The following PHACTR1 variants were observed in gnomAD, a reference collection of about 807,000 sequenced individuals.
PHACTR1 encodes phosphatase and actin regulator 1, also known as RPEL repeat containing 1.
Under a neutral mutation model 69.2 loss-of-function variants are expected in PHACTR1, and 16 were observed. The observed-to-expected ratio is 0.23, with a 90% CI of 0.16 to 0.35. PHACTR1 has a LOEUF of 0.35. Among genes scored for constraint, PHACTR1 ranks in the 10% least tolerant of loss-of-function variants. PHACTR1 has a pLI of 1.00. For synonymous variants in PHACTR1, 312 were observed against 284.5 expected (o/e 1.10, Z -0.97); for missense variants, 510 against 734.7 (o/e 0.69, Z 3.54).
intron 5 of PHACTR1, among the ~76,000 whole-genome samples, chr6:13,092,896 C>G (rs1217868108): frequency 6.6e-6 from 1 of 152,214 alleles, no homozygotes; most frequent in East Asian, 1.9e-4. Context: ...CTGAGGGATT[C>G]TGGCAGGAAA....
chr6:12,886,236 T>C (rs140786773), intron 4 of PHACTR1, among the ~76,000 whole-genome samples: 1 of 144,428 alleles, frequency 6.9e-6, no homozygotes, highest in Non-Finnish European at 1.5e-5. Context: ...ATAATCCTCA[T>C]GTTAAAGTTG....
intron 8 of PHACTR1, among the ~76,000 whole-genome samples, chr6:13,226,644 GTTA>G (rs1484968278): frequency 6.6e-6 from 1 of 151,830 alleles, no homozygotes; most frequent in African/African-American, 2.4e-5. Context: ...AGGGTTCTAA[GTTA>G]CTACATAATC....
rs546295290 is a variant in PHACTR1 at position 13,080,562 on chromosome 6, A to G, written c.415+27033A>G. Among the ~76,000 whole-genome samples, 5 of 152,310 alleles carry G rather than the reference A, an allele frequency of 3.3e-5. No individual in the cohort carries two copies. In the South Asian group the frequency reaches 1.0e-3, roughly 32 times the overall value. On this transcript the variant is annotated intron_variant, in intron 5 of 14. Transcript: ENST00000332995. ...TGGTCTTCCAAGAACTAATAATTCAAATAACCAGTGAACAAAATAGGATAA... is the reference window on the plus strand; with the variant it reads ...TGGTCTTCCAAGAACTAATAATTCAGATAACCAGTGAACAAAATAGGATAA...
chr6:13,281,017 C>G, intron 12 of PHACTR1: 1 of 1,289,642 alleles, frequency 7.8e-7, no homozygotes, highest in Non-Finnish European at 1.0e-6. Flanking sequence ...CAGCTGCATC[C>G]TCGCTCATTC....
At chr6:12,992,834 G>T (rs1441704953) in intron 4 of PHACTR1, among the ~76,000 whole-genome samples, 1 of 152,226 alleles carries the variant, frequency 6.6e-6, no homozygotes, top group African/African-American at 2.4e-5. Flanking sequence ...AGACGAGCTT[G>T]AGAAGGCAGC....
intron 5 of PHACTR1, among the ~76,000 whole-genome samples, chr6:13,110,915 T>C (rs114213288): frequency 1.3e-5 from 2 of 151,264 alleles, no homozygotes; most frequent in African/African-American, 4.8e-5. Context: ...TGGGTTTTTG[T>C]TTTTTGTTTT....
At chr6:13,007,041 G>A (rs1798877944) in intron 4 of PHACTR1, among the ~76,000 whole-genome samples, 1 of 152,172 alleles carries the variant, frequency 6.6e-6, no homozygotes, top group African/African-American at 2.4e-5. Context: ...AGTCAGTTTT[G>A]TGAACTTTAA....
At chr6:13,185,596 T>C (rs79211433) in intron 7 of PHACTR1, among the ~76,000 whole-genome samples, 9,634 of 152,256 alleles carry the variant, frequency 0.063, 729 homozygotes, top group African/African-American at 0.18. Flanking sequence ...ACTTAATGAA[T>C]GTAGCCACAG....
intron 4 of PHACTR1, among the ~76,000 whole-genome samples, chr6:12,978,619 G>C (rs573708382): frequency 1.3e-5 from 2 of 152,284 alleles, no homozygotes; most frequent in Admixed American, 1.3e-4. Flanking sequence ...ATACGTTGTT[G>C]CTCTGATGAG....
chr6:13,028,450 C>T (rs1018372491), intron 4 of PHACTR1, among the ~76,000 whole-genome samples: 1 of 152,164 alleles, frequency 6.6e-6, no homozygotes, highest in Non-Finnish European at 1.5e-5. Flanking sequence ...CATACTTTTG[C>T]TTCAATCAAT....
intron 4 of PHACTR1, among the ~76,000 whole-genome samples, chr6:12,902,742 T>C (rs1334684225): frequency 1.3e-5 from 2 of 152,202 alleles, no homozygotes; most frequent in Non-Finnish European, 2.9e-5. Context: ...AATACATTCA[T>C]CAATATATGA....
At chr6:12,737,737 G>A (rs1390220695) in intron 3 of PHACTR1, among the ~76,000 whole-genome samples, 1 of 151,972 alleles carries the variant, frequency 6.6e-6, no homozygotes. Flanking sequence ...TGGGACTACA[G>A]GCGTGTGCCA....
intron 4 of PHACTR1, among the ~76,000 whole-genome samples, chr6:12,989,411 A>C (rs1233874336): frequency 6.6e-6 from 1 of 152,198 alleles, no homozygotes; most frequent in Non-Finnish European, 1.5e-5. Context: ...TATCATCAGG[A>C]GGTGCTATCT....
intron 4 of PHACTR1, among the ~76,000 whole-genome samples, chr6:13,023,333 G>A (rs1801250157): frequency 6.6e-6 from 1 of 152,138 alleles, no homozygotes; most frequent in South Asian, 2.1e-4. Context: ...GTTACAAAGA[G>A]GGATGACTTT....
intron 4 of PHACTR1, among the ~76,000 whole-genome samples, chr6:12,907,281 A>C (rs1269992583): frequency 6.6e-6 from 1 of 152,262 alleles, no homozygotes; most frequent in Admixed American, 6.5e-5. Flanking sequence ...TAAAGTAGAA[A>C]TAAGTTAACC....
chr6:13,010,778 G>A (rs1158987584), intron 4 of PHACTR1, among the ~76,000 whole-genome samples: 1 of 151,840 alleles, frequency 6.6e-6, no homozygotes, highest in Non-Finnish European at 1.5e-5. Context: ...GACACTGAGC[G>A]TGATCACAGG....
intron 3 of PHACTR1, among the ~76,000 whole-genome samples, chr6:12,742,673 A>G (rs1426238923): frequency 6.6e-6 from 1 of 152,060 alleles, no homozygotes; most frequent in African/African-American, 2.4e-5. Context: ...TTTTTACAAG[A>G]GAACCCTTAA....
At chr6:12,732,412 T>C (rs975476926) in intron 3 of PHACTR1, among the ~76,000 whole-genome samples, 5 of 152,082 alleles carry the variant, frequency 3.3e-5, no homozygotes, top group Admixed American at 6.6e-5. Context: ...GTTTGTTACA[T>C]AGGTATACGT....
chr6:13,129,881 C>A (rs1190156896), intron 5 of PHACTR1, among the ~76,000 whole-genome samples: 1 of 151,866 alleles, frequency 6.6e-6, no homozygotes, highest in African/African-American at 2.4e-5. Context: ...GGAGCATTCT[C>A]CAAGATAGAC....
Sources: allele counts gnomAD v4.1 joint callset (sites outside exome capture counted in the v4.1 genomes callset), GRCh38; gene constraint gnomAD v4.1.1; transcripts MANE v1.5; gene names NCBI Gene and HGNC (gene_info 2026-07-23, HGNC 2026-07-21).